The following DFFB variants were observed in gnomAD, a reference collection of about 807,000 sequenced individuals.
The protein encoded by DFFB is DNA fragmentation factor 40 kDa subunit.
DFFB carries 29 observed loss-of-function variants against 32.7 expected under a neutral mutation model. The ratio of observed to expected loss-of-function variants is 0.89; its 90% CI spans 0.66 to 1.21. The LOEUF (loss-of-function observed/expected upper bound fraction) is 1.21. Among genes scored for constraint, DFFB ranks in the 50% most tolerant of loss-of-function variants. DFFB has a pLI of 0.00. For missense variants in DFFB, 398 were observed against 440.6 expected, an observed-to-expected ratio of 0.90 and a Z score of 0.87; for synonymous variants, 170 against 177.1, an observed-to-expected ratio of 0.96 and a Z score of 0.32.
chr1:3,869,622 C>G lies in DFFB; in HGVS notation c.528C>G (p.Ser176=). Residue 176 remains serine (S), a synonymous_variant, in exon 5 of 7, where the codon TCC becomes TCG. Coordinates refer to ENST00000378209, the MANE Select transcript of DFFB (RefSeq NM_004402.4). The part of the protein sequence containing the change: ...SYLREVSSYP[S]TVGAEAQEEF... ...TCCTCCAGGTGAGCTCCTACCCCTC[C>G]ACGGTGGGTGCGGAGGCTCAGGAGG... 1 of 1,612,296 alleles carries G rather than the reference C, an allele frequency of 6.2e-7. No individual in the cohort carries two copies. The highest frequency in any genetic ancestry group is 1.1e-5 in the South Asian group (1 of 91,038).
chr1:3,868,671 C>T (rs1214359685), intron 4 of DFFB, among the ~76,000 whole-genome samples: 1 of 151,634 alleles, frequency 6.6e-6, no homozygotes, highest in African/African-American at 2.4e-5. Flanking sequence ...CACACCACAC[C>T]ACACCACGCC....
At position 3,883,850 on chromosome 1, in the gene DFFB, TC is replaced by T; in HGVS notation, c.*111del. 1 of 805,866 alleles carries T rather than the reference TC, an allele frequency of 1.2e-6. No homozygotes were observed. Among genetic ancestry groups the T allele is most frequent in the Non-Finnish European group, 2.0e-6 (1 of 501,254 alleles). 49.9% of individuals were successfully genotyped at this position (805,866 alleles called of 1,614,324 possible). A position where few individuals can be genotyped will look rare whatever the true frequency, so the allele number is the denominator to read the frequency against. On this transcript the variant is annotated 3_prime_UTR_variant, in exon 7 of 7. Coordinates refer to ENST00000378209, the MANE Select transcript of DFFB (RefSeq NM_004402.4). ...TCGTTTTTTTGGTCACTCCAGTAGC[TC>T]CTGGAAAAAACCTTAAAAAATGTTT...
intron 6 of DFFB, among the ~76,000 whole-genome samples, chr1:3,880,236 G>A (rs1169180519): frequency 6.6e-6 from 1 of 152,192 alleles, no homozygotes; most frequent in African/African-American, 2.4e-5. Flanking sequence ...GTCACAGAGG[G>A]CTGTGGAAGT....
intron 3 of DFFB, chr1:3,866,444 T>A: frequency 4.4e-6 from 1 of 228,030 alleles, no homozygotes; most frequent in Non-Finnish European, 9.0e-6. Context: ...TTAGTAGAGA[T>A]GAGGTTTCGC....
At chr1:3,864,892 C>T (rs1644946033) in intron 2 of DFFB, among the ~76,000 whole-genome samples, 2 of 152,156 alleles carry the variant, frequency 1.3e-5, no homozygotes, top group Non-Finnish European at 2.9e-5. Flanking sequence ...GTAGATTCTC[C>T]TTGGTGAAGT....
intron 6 of DFFB, among the ~76,000 whole-genome samples, chr1:3,879,123 C>T (rs1042836293): frequency 6.6e-6 from 1 of 152,192 alleles, no homozygotes; most frequent in African/African-American, 2.4e-5. Context: ...AGATTTTTCT[C>T]CTCCTCTTGG....
chr1:3,883,460 G>C (rs1452033138), intron 6 of DFFB, 47 bp from the exon 7 acceptor site: 1 of 1,566,428 alleles, frequency 6.4e-7, no homozygotes, highest in Non-Finnish European at 8.8e-7. Context: ...CCTGTTGCCT[G>C]TGGCACTGTG....
chr1:3,872,068 C>G (rs1288709657), intron 5 of DFFB, among the ~76,000 whole-genome samples: 2 of 152,206 alleles, frequency 1.3e-5, no homozygotes, highest in African/African-American at 4.8e-5. Flanking sequence ...AACATGAGCT[C>G]TGGGTGGGGC....
intron 6 of DFFB, 40 bp from the exon 7 acceptor site, chr1:3,883,467 T>C (rs1638234651): frequency 6.3e-7 from 1 of 1,581,098 alleles, no homozygotes; most frequent in Non-Finnish European, 8.7e-7. Flanking sequence ...CCTGTGGCAC[T>C]GTGACCACAG....
intron 3 of DFFB, 21 bp from the exon 4 acceptor site, chr1:3,867,953 G>T (rs370082825): frequency 1.2e-6 from 2 of 1,613,566 alleles, no homozygotes; most frequent in Non-Finnish European, 1.7e-6. Flanking sequence ...GGACTTGGGG[G>T]TCTTCTCGTT....
In DFFB at chr1:3,872,456, G is replaced by A. The variant is rs764709404; in HGVS notation, c.682-16G>A. On this transcript the variant is annotated splice_polypyrimidine_tract_variant and intron_variant, in intron 5 of 6. Transcript: ENST00000378209. Reference sequence around the variant, plus strand: ...ACTCACTTTCTGGCCTTCCCTCATTGTCTTTTGGCCCCCAGGGTCCCTTTG... The same window carrying A: ...ACTCACTTTCTGGCCTTCCCTCATTATCTTTTGGCCCCCAGGGTCCCTTTG... 1.3e-6 allele frequency: 2 copies of A among 1,591,212 alleles called. No homozygotes were observed. Among genetic ancestry groups the A allele is most frequent in the Non-Finnish European group, 1.7e-6 (2 of 1,161,124 alleles).
chr1:3,857,986 C>T (rs1644788678), intron 1 of DFFB, among the ~76,000 whole-genome samples: 1 of 152,194 alleles, frequency 6.6e-6, no homozygotes, highest in Non-Finnish European at 1.5e-5. Flanking sequence ...GCTAGGAGAC[C>T]CGGGTAGAGT....
rs531786780 is a variant in DFFB, at chr1:3,857,840, G to C, written c.114+123G>C. On this transcript the variant is annotated intron_variant, in intron 1 of 6. Transcript: ENST00000378209. ...CGCCCGGGGCGGGTAGTTTTCGTTC[G>C]CCTCAGCCGCTAGGACCCCGGGCCC... is the stretch of plus-strand genomic sequence containing the variant. 372 of 672,422 alleles carry C rather than the reference G, an allele frequency of 5.5e-4. 1 individual carries two copies. The African/African-American group carries it at 6.6e-3, about 12-fold the overall frequency. 41.7% of individuals were successfully genotyped at this position (672,422 alleles called of 1,614,324 possible).
rs140438463 is a variant in DFFB at position 3,865,966 on chromosome 1, C to T, written c.396C>T (p.Ala132=). The T allele has an allele frequency of 2.5e-4, 400 of 1,584,626 alleles. 3 individuals carry two copies. In the East Asian group the frequency reaches 4.9e-3, roughly 19 times the overall value. ...ACAACGTCAGCCAGAACATCGCGGC[C>T]GAGACCCGGGCTGAGGACCCGCCGT... The part of the protein sequence containing the change: ...LLHNVSQNIA[A]ETRAEDPPWF... The change falls in exon 3 of 7, where the codon GCC becomes GCT. Residue 132 remains alanine, a synonymous_variant. Coordinates refer to ENST00000378209, the MANE Select transcript of DFFB (RefSeq NM_004402.4). This position sits in a 1 kb window ranked among gnomAD's most constrained non-coding sequence, Gnocchi z 4.7.
Position 3,883,712 on chromosome 1 carries a change from C to T in DFFB, c.988C>T (p.Arg330Trp), listed in dbSNP as rs200643246. The part of the protein sequence containing the change: ...RIYKPQTRLK[R>W]KQPVRKRQ ...CTACAAACCCCAGACAAGGTTGAAG[C>T]GGAAGCAGCCTGTGCGGAAACGCCA... The change falls in exon 7 of 7, where the codon CGG becomes TGG. Residue 330 changes from arginine (R) to tryptophan (W), a missense_variant. By Grantham distance (101) the Arg-to-Trp change is moderately radical. Coordinates refer to ENST00000378209, the MANE Select transcript of DFFB (RefSeq NM_004402.4). 437 of 1,614,114 alleles carry T rather than the reference C, an allele frequency of 2.7e-4. 2 individuals are homozygous for T. Among genetic ancestry groups the T allele is most frequent in the East Asian group, 2.0e-4 (9 of 44,876 alleles).
chr1:3,858,921 A>G, intron 2 of DFFB, 77 bp downstream of exon 2: 7 of 1,578,848 alleles, frequency 4.4e-6, no homozygotes, highest in Non-Finnish European at 5.1e-6. Flanking sequence ...CCAGGTGCCC[A>G]TCAGGGTGGG....
chr1:3,882,255 A>G (rs1645355147), intron 6 of DFFB, among the ~76,000 whole-genome samples: 1 of 151,824 alleles, frequency 6.6e-6, no homozygotes, highest in South Asian at 2.1e-4. Context: ...GGGTTTCACC[A>G]TGTTGGCCAG....
In DFFB at chr1:3,869,468, C is replaced by T. The variant is rs573584769; in HGVS notation, c.511-137C>T. 179 of 889,402 alleles carry T rather than the reference C, an allele frequency of 2.0e-4. No individual in the cohort carries two copies. The Middle Eastern group carries it at 2.5e-3, about 12-fold the overall frequency. The allele number at this position is 889,402 out of a possible 1,614,324, so 55.1% of individuals were successfully genotyped here. A position where few individuals can be genotyped will look rare whatever the true frequency, so the allele number is the denominator to read the frequency against. On this transcript the variant is annotated intron_variant, in intron 4 of 6. Transcript: ENST00000378209. Reference sequence around the variant, plus strand: ...CAGCCCAGCAGTGGCCGAGAGGCCACGTGAACTCAGACCCTCTGACCACAG... The same window carrying T: ...CAGCCCAGCAGTGGCCGAGAGGCCATGTGAACTCAGACCCTCTGACCACAG...
At chr1:3,858,981 T>C (rs1644824271) in intron 2 of DFFB, 137 bp downstream of exon 2, 1 of 1,324,496 alleles carries the variant, frequency 7.6e-7, no homozygotes, top group East Asian at 2.5e-5. Context: ...GGAAGCCCTC[T>C]GGAGGCAGAA....
Sources: gnomAD v4.1 joint callset for allele counts (sites outside exome capture counted in the v4.1 genomes callset) on GRCh38, gnomAD v4.1.1 for gene constraint, Gnocchi (gnomAD v3.1) non-coding constraint, MANE v1.5 for transcripts, NCBI Gene and HGNC (gene_info 2026-07-23, HGNC 2026-07-21) for gene names.